SNTB2: variants seen among roughly 807,000 people sequenced by gnomAD.
The protein encoded by SNTB2 is syntrophin beta 2, also known as beta-2-syntrophin.
A neutral mutation model predicts 46.2 loss-of-function variants in SNTB2; 34 were observed. The observed-to-expected ratio is 0.74, with a 90% CI of 0.56 to 0.98. SNTB2 has a LOEUF of 0.98. Ranked by LOEUF, SNTB2 falls within the 50% of genes least tolerant of loss-of-function variation. The pLI, the probability that SNTB2 is intolerant of heterozygous loss-of-function variation, is 0.00. For synonymous variants in SNTB2, 290 were observed against 312.6 expected (o/e 0.93, Z 0.76); for missense variants, 603 against 731.4 (o/e 0.82, Z 2.02).
Position 69,187,347 on chromosome 16 carries a change from C to T in SNTB2, c.181C>T (p.Pro61Ser). The T allele has an allele frequency of 7.0e-7, 1 of 1,433,522 alleles. No individual in the cohort carries two copies. Among genetic ancestry groups the T allele is most frequent in the Non-Finnish European group, 9.1e-7 (1 of 1,094,124 alleles). 88.8% of individuals were successfully genotyped at this position (1,433,522 alleles called of 1,614,324 possible). The change falls in exon 1 of 7, where the codon CCC (proline) becomes TCC (serine). Residue 61 changes from proline (P) to serine (S), a missense_variant. Physicochemically the swap from Pro to Ser is moderately conservative, Grantham distance 74. Coordinates refer to ENST00000336278, the MANE Select transcript of SNTB2 (RefSeq NM_006750.4). ...CGACGCCGCCGCGGCCGAGCTGGAG[C>T]CCGCTCTGGGACCCGCGGCCGCCGC... ...TGDAAAAELE[P>S]ALGPAAAAFN...
intron 5 of SNTB2, among the ~76,000 whole-genome samples, chr16:69,289,269 CAA>C (rs539709680): frequency 1.2e-4 from 9 of 76,728 alleles, no homozygotes; most frequent in Admixed American, 3.3e-4. Flanking sequence ...AACTCCGTCT[CAA>C]AAAAAAAAAA....
In SNTB2 at chr16:69,228,431, G is replaced by A. The variant is rs143564208; in HGVS notation, c.581-17171G>A. Among the ~76,000 whole-genome samples, 90 of 150,874 alleles carry A rather than the reference G, an allele frequency of 6.0e-4. 1 individual carries two copies. The East Asian group carries it at 0.014, about 23-fold the overall frequency. ...TGAGGTGGGAGGATGGCTTGAACCT[G>A]GGAGGCAGAGGTTGCAGGGAGCTGA... On this transcript the variant is annotated intron_variant, in intron 1 of 6. Coordinates refer to ENST00000336278, the MANE Select transcript of SNTB2 (RefSeq NM_006750.4).
At chr16:69,286,190 A>C (rs879718780) in intron 5 of SNTB2, among the ~76,000 whole-genome samples, 7 of 152,168 alleles carry the variant, frequency 4.6e-5, no homozygotes, top group Admixed American at 6.5e-5. Flanking sequence ...GCTTCAAGCT[A>C]TTCTCTGGTC....
At position 69,225,853 on chromosome 16, in the gene SNTB2, C is replaced by T. The variant is rs190008553; in HGVS notation, c.581-19749C>T. 2.9e-3 allele frequency among the ~76,000 whole-genome samples: 417 copies of T among 145,812 alleles called. 6 individuals are homozygous for T. The highest frequency in any genetic ancestry group is 0.013 in the Middle Eastern group (3 of 236). On this transcript the variant is annotated intron_variant, in intron 1 of 6. Transcript: ENST00000336278. ...TGTGATCTCGGCTCAGTGCAGCCTC[C>T]GCCTCCTGGGTTCAAGTGATTCTCC...
At chr16:69,279,847 T>TA (rs1368012535) in intron 4 of SNTB2, among the ~76,000 whole-genome samples, 96 of 121,060 alleles carry the variant, frequency 7.9e-4, no homozygotes, top group East Asian at 3.3e-3. Context: ...CCATTTTTTT[T>TA]AATTAATTAA....
chr16:69,246,095 C>T (rs1223251187), intron 2 of SNTB2, among the ~76,000 whole-genome samples: 2 of 152,064 alleles, frequency 1.3e-5, no homozygotes, highest in Non-Finnish European at 2.9e-5. Context: ...ATCTTTTCTT[C>T]CTTTTATGTC....
chr16:69,187,586 C>G lies in SNTB2; in HGVS notation c.420C>G (p.Ile140Met). Residue 140 changes from isoleucine to methionine, a missense_variant, in exon 1 of 7, where the codon ATC becomes ATG. Around this residue, in one of 2 missense-constraint regions of SNTB2, gnomAD observed 537 missense variants for 692.4 expected, o/e 0.78. Coordinates refer to ENST00000336278, the MANE Select transcript of SNTB2 (RefSeq NM_006750.4). ...IKGGRENRMPILISKIFPGLA... is the reference protein window; with the variant it reads ...IKGGRENRMPMLISKIFPGLA... ...GCGGCCGCGAGAACCGGATGCCGAT[C>G]CTCATCTCCAAGATCTTCCCCGGGC... 1 of 1,540,764 alleles carries G rather than the reference C, an allele frequency of 6.5e-7. No homozygotes were observed. Among genetic ancestry groups the G allele is most frequent in the Non-Finnish European group, 8.7e-7 (1 of 1,147,978 alleles).
At chr16:69,209,459 A>G (rs1241746380) in intron 1 of SNTB2, among the ~76,000 whole-genome samples, 3 of 152,188 alleles carry the variant, frequency 2.0e-5, no homozygotes, top group East Asian at 1.9e-4. Context: ...TCTCTGTATT[A>G]TAGAAGTTTG....
Position 69,303,341 on chromosome 16 carries a change from A to T in SNTB2, c.*2417A>T, listed in dbSNP as rs982686266. On this transcript the variant is annotated 3_prime_UTR_variant, in exon 7 of 7. Transcript: ENST00000336278. ...TGATGCCTTTACAGACTTCAGCAGC[A>T]AAGCCATTTGGTTGAGGTTTTCTGT... 5 of 152,252 alleles carry T rather than the reference A, an allele frequency of 3.3e-5. No homozygotes were observed. Among genetic ancestry groups the T allele is most frequent in the Admixed American group, 3.3e-4 (5 of 15,290 alleles). The allele number at this position is 152,252 out of a possible 1,614,324, so 9.4% of individuals were successfully genotyped here.
intron 3 of SNTB2, among the ~76,000 whole-genome samples, chr16:69,267,704 C>T (rs905169189): frequency 9.2e-5 from 14 of 152,284 alleles, no homozygotes; most frequent in Admixed American, 7.2e-4. Flanking sequence ...GGATCTAGCT[C>T]GTGGCCTTGG....
rs755594629 is a variant in SNTB2, at chr16:69,187,394, C to T, written c.228C>T (p.Gly76=). Residue 76 remains glycine, a synonymous_variant, in exon 1 of 7, where the codon GGC becomes GGT. Coordinates refer to ENST00000336278, the MANE Select transcript of SNTB2 (RefSeq NM_006750.4). ...CCGCCTTCAACGGCCTCCCAAACGG[C>T]GGCGGCGCGGGCGACTCGCTGCCCG... is the stretch of plus-strand genomic sequence containing the variant. The part of the protein sequence containing the change: ...AAAAFNGLPN[G]GGAGDSLPGS... The T allele has an allele frequency of 1.6e-6, 2 of 1,283,164 alleles. No individual in the cohort carries two copies. The highest frequency in any genetic ancestry group is 2.4e-5 in the South Asian group (1 of 41,288). 79.5% of individuals were successfully genotyped at this position (1,283,164 alleles called of 1,614,324 possible). A position where few individuals can be genotyped will look rare whatever the true frequency, so the allele number is the denominator to read the frequency against.
At chr16:69,271,509 GC>G (rs1223212149) in intron 4 of SNTB2, among the ~76,000 whole-genome samples, 1 of 152,122 alleles carries the variant, frequency 6.6e-6, no homozygotes. Context: ...CGTGTAGTAG[GC>G]CATCAATAAA....
chr16:69,196,867 T>A (rs1964110551), intron 1 of SNTB2, among the ~76,000 whole-genome samples: 1 of 152,226 alleles, frequency 6.6e-6, no homozygotes, highest in African/African-American at 2.4e-5. Flanking sequence ...ACTGCCTCTC[T>A]GGTGGATCAG....
In SNTB2 at chr16:69,302,017, A is replaced by G. The variant is rs1293295784; in HGVS notation, c.*1093A>G. 6.6e-6 allele frequency: 1 copy of G among 152,142 alleles called. No individual in the cohort carries two copies. The highest frequency in any genetic ancestry group is 2.4e-5 in the African/African-American group (1 of 41,428). The allele number at this position is 152,142 out of a possible 1,614,324, so 9.4% of individuals were successfully genotyped here. The stretch of plus-strand genomic sequence containing the variant: ...CAATTCCGCACAAACGTCATGTTGA[A>G]TTGTTTTGGGCTGCCCAAAAACAAC... On this transcript the variant is annotated 3_prime_UTR_variant, in exon 7 of 7. Transcript: ENST00000336278.
chr16:69,249,065 G>A (rs974525619), intron 2 of SNTB2, among the ~76,000 whole-genome samples: 1 of 131,434 alleles, frequency 7.6e-6, no homozygotes, highest in Non-Finnish European at 1.6e-5. Flanking sequence ...CACTCCCCTC[G>A]CCTAGGCTAG....
At chr16:69,251,946 A>G (rs1964731610) in intron 2 of SNTB2, among the ~76,000 whole-genome samples, 1 of 152,194 alleles carries the variant, frequency 6.6e-6, no homozygotes, top group African/African-American at 2.4e-5. Flanking sequence ...ATAAAATAAA[A>G]TAAACTGCCA....
rs1291261454 is a variant in SNTB2, at chr16:69,292,435, T to TATATATATATTTTATATATA, written c.1346-7155_1346-7154insATATATATATTTTATATATA. ...TATATATATTATATATATATATATA[T>TATATATATATTTTATATATA]TATATATATATAATTTTTTTTTTGA... On this transcript the variant is annotated intron_variant, in intron 5 of 6. Coordinates refer to ENST00000336278, the MANE Select transcript of SNTB2 (RefSeq NM_006750.4). Among the ~76,000 whole-genome samples, 2 of 10,496 alleles carry TATATATATATTTTATATATA rather than the reference T, an allele frequency of 1.9e-4. 1 individual carries two copies. The highest frequency in any genetic ancestry group is 8.8e-4 in the African/African-American group (2 of 2,276). The allele number at this position is 10,496 out of a possible 152,430, so 6.9% of individuals were successfully genotyped here.
intron 2 of SNTB2, among the ~76,000 whole-genome samples, chr16:69,255,388 C>A (rs573069412): frequency 6.6e-6 from 1 of 151,866 alleles, no homozygotes; most frequent in East Asian, 1.9e-4. Context: ...GGTGAAACCC[C>A]GTATCTACTA....
chr16:69,222,613 T>G (rs2152293801), intron 1 of SNTB2, among the ~76,000 whole-genome samples: 1 of 151,778 alleles, frequency 6.6e-6, no homozygotes, highest in South Asian at 2.1e-4. Flanking sequence ...AAAAAAGATT[T>G]TATAAGATGT....
Sources: allele counts gnomAD v4.1 joint callset (sites outside exome capture counted in the v4.1 genomes callset), GRCh38; gene constraint gnomAD v4.1.1; regional missense constraint gnomAD v4.1.1; transcripts MANE v1.5; gene names NCBI Gene and HGNC (gene_info 2026-07-23, HGNC 2026-07-21).